SCLT1: variants seen among roughly 807,000 people sequenced by gnomAD.
SCLT1 encodes sodium channel-associated protein 1.
In SCLT1, 78 loss-of-function variants were observed where a neutral mutation model predicts 112.8. The ratio of observed to expected loss-of-function variants is 0.69; its 90% CI spans 0.58 to 0.83. The LOEUF is 0.83. Among genes scored for constraint, SCLT1 ranks in the 40% least tolerant of loss-of-function variants. The pLI is 0.00. For missense variants in SCLT1, 747 were observed against 770.4 expected (o/e 0.97, Z 0.36); for synonymous variants, 257 against 254.7 (o/e 1.01, Z -0.09).
chr4:129,090,676 T>C (rs942345824), intron 1 of SCLT1, among the ~76,000 whole-genome samples: 15 of 152,322 alleles, frequency 9.8e-5, no homozygotes, highest in African/African-American at 3.1e-4. Context: ...CCATCACCAC[T>C]CTGCCAGTGA....
At chr4:129,006,984 A>G (rs1486488389) in intron 5 of SCLT1, among the ~76,000 whole-genome samples, 1 of 152,208 alleles carries the variant, frequency 6.6e-6, no homozygotes, top group Non-Finnish European at 1.5e-5. Flanking sequence ...TCTAACTTCC[A>G]TTGTGAGTTC....
chr4:128,934,941 T>G (rs991391684), intron 18 of SCLT1, among the ~76,000 whole-genome samples: 2 of 151,994 alleles, frequency 1.3e-5, no homozygotes, highest in Admixed American at 6.5e-5. Context: ...CAATGTCTGC[T>G]ATAGAATAGA....
At chr4:128,929,814 G>A (rs1391184306) in intron 18 of SCLT1, among the ~76,000 whole-genome samples, 1 of 152,146 alleles carries the variant, frequency 6.6e-6, no homozygotes, top group African/African-American at 2.4e-5. Flanking sequence ...AAGTTGACTT[G>A]CATCTATCCT....
chr4:129,016,748 G>GCAGC (rs557854513), intron 5 of SCLT1, among the ~76,000 whole-genome samples: 74 of 152,248 alleles, frequency 4.9e-4, no homozygotes, highest in Non-Finnish European at 8.8e-4. Flanking sequence ...ATTAGGGAAA[G>GCAGC]CAGCCCCAAA....
intron 5 of SCLT1, among the ~76,000 whole-genome samples, chr4:129,017,559 A>C (rs1232096473): frequency 6.6e-6 from 1 of 152,146 alleles, no homozygotes; most frequent in Non-Finnish European, 1.5e-5. Flanking sequence ...GTATGGTTAA[A>C]CATCTTGAAA....
intron 20 of SCLT1, among the ~76,000 whole-genome samples, chr4:128,887,550 G>T (rs372215623): frequency 6.6e-6 from 1 of 152,030 alleles, no homozygotes; most frequent in South Asian, 2.1e-4. Flanking sequence ...TAATAATATA[G>T]TAATTTGATT....
At chr4:128,970,728 C>G (rs1740621392) in intron 9 of SCLT1, 8 of 297,786 alleles carry the variant, frequency 2.7e-5, no homozygotes, top group Middle Eastern at 2.0e-3. Flanking sequence ...TATTATATAC[C>G]AAAGTGATTC....
chr4:128,891,643 CTTTT>C (rs5861870), intron 18 of SCLT1, among the ~76,000 whole-genome samples: 6 of 119,522 alleles, frequency 5.0e-5, no homozygotes, highest in African/African-American at 6.3e-5. Context: ...CTATAATATG[CTTTT>C]TTTTTTTTTT....
At chr4:129,048,545 T>A (rs1190858762) in intron 2 of SCLT1, among the ~76,000 whole-genome samples, 244 of 150,260 alleles carry the variant, frequency 1.6e-3, no homozygotes, top group Middle Eastern at 0.01. Flanking sequence ...AACCTAGGCA[T>A]TACCATTCAG....
At chr4:128,896,065 G>C (rs575114628) in intron 18 of SCLT1, among the ~76,000 whole-genome samples, 1 of 152,028 alleles carries the variant, frequency 6.6e-6, no homozygotes, top group Non-Finnish European at 1.5e-5. Context: ...GGAGCCCACT[G>C]CAGCTCAAGG....
rs540873989 is a variant in SCLT1, at chr4:129,081,003, A to G, written c.102+1303T>C. Among the ~76,000 whole-genome samples the G allele has an allele frequency of 2.3e-4, 35 of 152,300 alleles. No homozygotes were observed. In the South Asian group the frequency reaches 6.8e-3, roughly 30 times the overall value. On this transcript the variant is annotated intron_variant, in intron 2 of 20. Coordinates refer to ENST00000281142, the MANE Select transcript of SCLT1 (RefSeq NM_144643.4). ...CTTTATATGTTTATGCCCCGAGAGC[A>G]TAACAGCTCAGCGGCATTCCACAGG...
In SCLT1 at chr4:129,069,992, T is replaced by C. The variant is rs189505785; in HGVS notation, c.102+12314A>G. Among the ~76,000 whole-genome samples, 56 of 152,300 alleles carry C rather than the reference T, an allele frequency of 3.7e-4. 1 individual carries two copies. Among genetic ancestry groups the C allele is most frequent in the African/African-American group, 1.3e-3 (53 of 41,558 alleles). ...GTGCCAGACTTTGTTGAATGCTTTT[T>C]CTGCATCTATTGAGATGATCATGTG... On this transcript the variant is annotated intron_variant, in intron 2 of 20. Transcript: ENST00000281142.
rs372212154 is a variant in SCLT1 at position 129,081,015 on chromosome 4, C to T, written c.102+1291G>A. 2.6e-4 allele frequency among the ~76,000 whole-genome samples: 40 copies of T among 152,050 alleles called. 1 individual carries two copies. Among genetic ancestry groups the T allele is most frequent in the Non-Finnish European group, 2.4e-4 (16 of 68,018 alleles). On this transcript the variant is annotated intron_variant, in intron 2 of 20. Transcript: ENST00000281142. ...ATGCCCCGAGAGCATAACAGCTCAG[C>T]GGCATTCCACAGGTTGCCCAGGGAG...
In SCLT1 at chr4:129,035,133, T is replaced by C. The variant is rs1043965517; in HGVS notation, c.290+3908A>G. 2.7e-4 allele frequency among the ~76,000 whole-genome samples: 41 copies of C among 152,182 alleles called. 1 individual carries two copies. The highest frequency in any genetic ancestry group is 8.8e-5 in the Non-Finnish European group (6 of 68,016). On this transcript the variant is annotated intron_variant, in intron 5 of 20. Transcript: ENST00000281142. Reference sequence around the variant, plus strand: ...AAGTTGGAAGGTATATAGTTCCAGATTTGCTTCAGTAGCTCAATAATATCA... The same window carrying C: ...AAGTTGGAAGGTATATAGTTCCAGACTTGCTTCAGTAGCTCAATAATATCA...
intron 9 of SCLT1, among the ~76,000 whole-genome samples, chr4:128,976,046 A>C (rs1394987233): frequency 6.6e-6 from 1 of 152,228 alleles, no homozygotes; most frequent in East Asian, 1.9e-4. Flanking sequence ...ACTTGAAGTT[A>C]ATTCAAAATT....
intron 5 of SCLT1, among the ~76,000 whole-genome samples, chr4:129,016,523 C>T (rs532233503): frequency 4.6e-5 from 7 of 152,278 alleles, no homozygotes; most frequent in South Asian, 2.1e-4. Flanking sequence ...ACCATGTTAG[C>T]GTCAATCTTC....
chr4:128,936,132 T>C (rs1008855573), intron 18 of SCLT1, among the ~76,000 whole-genome samples: 2 of 151,818 alleles, frequency 1.3e-5, no homozygotes, highest in African/African-American at 4.8e-5. Context: ...TTTTAATAGA[T>C]TTTATTTTTT....
chr4:129,001,583 G>A (rs911359434), intron 6 of SCLT1, among the ~76,000 whole-genome samples: 4 of 151,936 alleles, frequency 2.6e-5, no homozygotes, highest in Non-Finnish European at 5.9e-5. Flanking sequence ...TCTATGTGGT[G>A]TCATCATCTA....
chr4:128,954,398 A>G (rs1739046822), intron 13 of SCLT1, among the ~76,000 whole-genome samples: 1 of 149,018 alleles, frequency 6.7e-6, no homozygotes, highest in Non-Finnish European at 1.5e-5. Context: ...AGCTCACGGC[A>G]AGCCCCGCCT....
Sources: allele counts gnomAD v4.1 joint callset (sites outside exome capture counted in the v4.1 genomes callset), GRCh38; gene constraint gnomAD v4.1.1; transcripts MANE v1.5; gene names NCBI Gene and HGNC (gene_info 2026-07-23, HGNC 2026-07-21).